Variants in LINGO2 observed in about 807,000 individuals in gnomAD.
The protein encoded by LINGO2 is leucine rich repeat and Ig domain containing 2.
Under a neutral mutation model 30.6 loss-of-function variants are expected in LINGO2, and 14 were observed. The ratio of observed to expected loss-of-function variants is 0.46; its 90% CI spans 0.30 to 0.72. The LOEUF is 0.72. Among genes scored for constraint, LINGO2 ranks in the 30% least tolerant of loss-of-function variants. LINGO2 has a pLI of 0.07. For synonymous variants in LINGO2, 317 were observed against 288.5 expected, an observed-to-expected ratio of 1.10 and a Z score of -1.00; for missense variants, 729 against 751.7, an observed-to-expected ratio of 0.97 and a Z score of 0.35.
At chr9:29,106,972 A>G in the LINGO2 span, among the ~76,000 whole-genome samples, 2 of 152,198 alleles carry the variant, frequency 1.3e-5, no homozygotes, top group Non-Finnish European at 2.9e-5. Flanking sequence ...ATACCAATAA[A>G]TAACAAAGAG....
intron 4 of LINGO2, among the ~76,000 whole-genome samples, chr9:28,071,329 G>C (rs1282421873): frequency 6.6e-6 from 1 of 152,016 alleles, no homozygotes; most frequent in Non-Finnish European, 1.5e-5. Flanking sequence ...TATGGAGTAG[G>C]CTATGTTCTT....
At chr9:29,062,984 C>A in the LINGO2 span, among the ~76,000 whole-genome samples, 1 of 152,226 alleles carries the variant, frequency 6.6e-6, no homozygotes, top group South Asian at 2.1e-4. Context: ...GCTCTCTCAG[C>A]CCTACTGGAC....
At chr9:28,567,989 A>C (rs1823473331) in intron 1 of LINGO2, among the ~76,000 whole-genome samples, 1 of 152,062 alleles carries the variant, frequency 6.6e-6, no homozygotes, top group Non-Finnish European at 1.5e-5. Context: ...AGATTCAGCA[A>C]ATCACCAGGG....
the LINGO2 span, among the ~76,000 whole-genome samples, chr9:28,884,712 CAAA>C: frequency 9.9e-6 from 1 of 100,892 alleles, no homozygotes; most frequent in Non-Finnish European, 2.2e-5. Context: ...TATATATATA[CAAA>C]TTTGTAATAT....
the LINGO2 span, among the ~76,000 whole-genome samples, chr9:29,131,277 A>T: frequency 6.6e-6 from 1 of 152,172 alleles, no homozygotes; most frequent in Non-Finnish European, 1.5e-5. Context: ...CAGCCTGTGT[A>T]TACCGGGACC....
exon 6 of LINGO2, chr9:27,949,654 C>T (rs1350339101): frequency 6.2e-7 from 1 of 1,614,000 alleles, no homozygotes; most frequent in Admixed American, 1.7e-5. Context: ...GAGGAGAAGA[C>T]ATTCTCTTCC....
At chr9:28,260,992 C>A (rs938991698) in intron 4 of LINGO2, among the ~76,000 whole-genome samples, 1 of 151,782 alleles carries the variant, frequency 6.6e-6, no homozygotes, top group Non-Finnish European at 1.5e-5. Context: ...TTAATGTACC[C>A]GTATAAGATA....
intron 4 of LINGO2, among the ~76,000 whole-genome samples, chr9:28,063,646 T>A (rs1825223493): frequency 1.3e-5 from 2 of 152,116 alleles, no homozygotes; most frequent in Admixed American, 1.3e-4. Context: ...TTCAGATCTT[T>A]CCATTTCGTC....
At chr9:28,937,782 C>A in the LINGO2 span, among the ~76,000 whole-genome samples, 1 of 152,070 alleles carries the variant, frequency 6.6e-6, no homozygotes, top group Non-Finnish European at 1.5e-5. Flanking sequence ...CTGTTTGGAT[C>A]ATTTTTCTTT....
At chr9:28,460,438 C>T (rs934358374) in intron 2 of LINGO2, among the ~76,000 whole-genome samples, 5 of 152,108 alleles carry the variant, frequency 3.3e-5, no homozygotes, top group Non-Finnish European at 5.9e-5. Context: ...TTTCCCAATA[C>T]TAAAAACTCA....
At chr9:28,628,084 G>A (rs536634998) in intron 1 of LINGO2, among the ~76,000 whole-genome samples, 3 of 151,924 alleles carry the variant, frequency 2.0e-5, no homozygotes, top group South Asian at 2.1e-4. Context: ...AAAAATGCAG[G>A]CTGGTCACCC....
chr9:28,817,642 CT>C, the LINGO2 span, among the ~76,000 whole-genome samples: 3 of 152,098 alleles, frequency 2.0e-5, no homozygotes, highest in Non-Finnish European at 4.4e-5. Context: ...ATTGGTCAGG[CT>C]TGGGTTAGGA....
At chr9:28,049,111 A>T (rs1209717113) in intron 4 of LINGO2, among the ~76,000 whole-genome samples, 1 of 151,008 alleles carries the variant, frequency 6.6e-6, no homozygotes, top group Non-Finnish European at 1.5e-5. Context: ...CACTAAGTGT[A>T]TGCAATGCCT....
chr9:29,184,736 C>T, the LINGO2 span, among the ~76,000 whole-genome samples: 2 of 149,076 alleles, frequency 1.3e-5, no homozygotes, highest in Non-Finnish European at 1.5e-5. Context: ...CCTCTCCCTT[C>T]CTCTCTCTCT....
intron 1 of LINGO2, among the ~76,000 whole-genome samples, chr9:28,652,524 G>T (rs1235066356): frequency 6.6e-6 from 1 of 151,978 alleles, no homozygotes; most frequent in East Asian, 1.9e-4. Flanking sequence ...ATACATACAG[G>T]TTCATGCTAT....
At chr9:28,697,852 A>T in the LINGO2 span, among the ~76,000 whole-genome samples, 3 of 152,206 alleles carry the variant, frequency 2.0e-5, no homozygotes, top group East Asian at 5.8e-4. Context: ...TGGACAAAAA[A>T]TAATATTTGG....
chr9:29,032,379 T>C, the LINGO2 span, among the ~76,000 whole-genome samples: 2 of 152,280 alleles, frequency 1.3e-5, no homozygotes, highest in Admixed American at 1.3e-4. Context: ...TGACAATACA[T>C]ACAGCAAAGC....
At chr9:28,004,609 T>G (rs1021828854) in intron 5 of LINGO2, among the ~76,000 whole-genome samples, 7 of 150,516 alleles carry the variant, frequency 4.7e-5, no homozygotes, top group African/African-American at 1.7e-4. Flanking sequence ...TAATAGTTGA[T>G]AAATAGTGTG....
At chr9:28,986,833 A>G in the LINGO2 span, among the ~76,000 whole-genome samples, 2 of 152,038 alleles carry the variant, frequency 1.3e-5, no homozygotes, top group African/African-American at 4.8e-5. Flanking sequence ...TAATATACTG[A>G]AAGTAAAAAA....
Sources: gnomAD v4.1 joint callset for allele counts (sites outside exome capture counted in the v4.1 genomes callset) on GRCh38, gnomAD v4.1.1 for gene constraint, MANE v1.5 for transcripts, NCBI Gene and HGNC (gene_info 2026-07-23, HGNC 2026-07-21) for gene names.